Variants in ZNF407 observed in about 807,000 individuals in gnomAD.
ZNF407 encodes the protein zinc finger protein 407.
Under a neutral mutation model 131.2 loss-of-function variants are expected in ZNF407, and 17 were observed. The ratio of observed to expected loss-of-function variants is 0.13; its 90% confidence interval spans 0.09 to 0.19. The LOEUF (loss-of-function observed/expected upper bound fraction) is 0.19, where lower values mean the gene tolerates loss of function less well. Among genes scored for constraint, ZNF407 ranks in the 10% least tolerant of loss-of-function variants. The pLI is 1.00. For synonymous variants in ZNF407, 1,156 were observed against 1,062.0 expected, an observed-to-expected ratio of 1.09 and a Z score of -1.72; for missense variants, 2,681 against 2,830.6, an observed-to-expected ratio of 0.95 and a Z score of 1.20.
chr18:74,651,589 T>C (rs1373861290), intron 3 of ZNF407, among the ~76,000 whole-genome samples: 1 of 152,146 alleles, frequency 6.6e-6, no homozygotes, highest in African/African-American at 2.4e-5. Context: ...TCAGAAGTAA[T>C]TTAACTTAAT....
At chr18:74,738,670 C>T (rs570700299) in intron 3 of ZNF407, among the ~76,000 whole-genome samples, 12 of 151,980 alleles carry the variant, frequency 7.9e-5, no homozygotes, top group East Asian at 7.8e-4. Flanking sequence ...ACCTGGGAGG[C>T]GGAGGTTGCA....
chr18:74,841,340 T>A (rs1488781859), intron 4 of ZNF407, among the ~76,000 whole-genome samples: 2 of 152,178 alleles, frequency 1.3e-5, no homozygotes, highest in Non-Finnish European at 2.9e-5. Flanking sequence ...GGGGGGCTGC[T>A]AACTGTTTAC....
Position 74,920,677 on chromosome 18 carries a change from G to A in ZNF407, c.5413G>A (p.Ala1805Thr), listed in dbSNP as rs1396734301. Residue 1805 changes from alanine (A) to threonine (T), a missense_variant, in exon 8 of 9, where the codon GCT (alanine) becomes ACT (threonine). By Grantham distance (58) the Ala-to-Thr change is moderately conservative. Coordinates refer to ENST00000299687, the MANE Select transcript of ZNF407 (RefSeq NM_017757.3). ...TCCTGACATCGAAAACCCGGACCTC[G>A]CTTACCTGCATGCTGGTAAGGGACA... ...QHPDIENPDL[A>T]YLHAGIVSKS... 4 of 1,605,924 alleles carry A rather than the reference G, an allele frequency of 2.5e-6. No individual in the cohort carries two copies. Among genetic ancestry groups the A allele is most frequent in the Non-Finnish European group, 3.4e-6 (4 of 1,173,474 alleles).
chr18:75,052,573 C>T (rs1439527193), intron 8 of ZNF407, among the ~76,000 whole-genome samples: 1 of 152,220 alleles, frequency 6.6e-6, no homozygotes. Flanking sequence ...CACCCGAAAG[C>T]ATTCCAAGTC....
chr18:74,612,532 G>A (rs191514319), intron 1 of ZNF407, among the ~76,000 whole-genome samples: 4 of 152,304 alleles, frequency 2.6e-5, no homozygotes, highest in African/African-American at 9.6e-5. Context: ...TTGGAGGAAT[G>A]TGATAGAACT....
intron 3 of ZNF407, among the ~76,000 whole-genome samples, chr18:74,664,311 C>G (rs1472142312): frequency 6.6e-6 from 1 of 152,174 alleles, no homozygotes; most frequent in South Asian, 2.1e-4. Flanking sequence ...GCCAGCCTGG[C>G]CAACATGGTG....
intron 4 of ZNF407, among the ~76,000 whole-genome samples, chr18:74,867,030 T>C (rs1971022424): frequency 7.1e-6 from 1 of 140,104 alleles, no homozygotes; most frequent in Non-Finnish European, 1.5e-5. Context: ...TAATCCACCA[T>C]AGTTTGAATC....
intron 7 of ZNF407, among the ~76,000 whole-genome samples, chr18:74,895,173 G>C (rs1971437044): frequency 6.7e-6 from 1 of 149,042 alleles, no homozygotes; most frequent in Non-Finnish European, 1.5e-5. Context: ...CTTAACCAGT[G>C]TTAATGACTT....
chr18:74,745,325 G>A (rs1167511989), intron 3 of ZNF407, among the ~76,000 whole-genome samples: 1 of 151,772 alleles, frequency 6.6e-6, no homozygotes, highest in African/African-American at 2.4e-5. Flanking sequence ...TTAGATGGAA[G>A]TTGTCTAACT....
chr18:75,005,695 C>T (rs972218460), intron 8 of ZNF407, among the ~76,000 whole-genome samples: 5 of 96,842 alleles, frequency 5.2e-5, no homozygotes, highest in South Asian at 4.5e-4. Context: ...ATGTCATCCC[C>T]GCCACCCCCC....
At chr18:74,710,774 T>A (rs1433235890) in intron 3 of ZNF407, among the ~76,000 whole-genome samples, 2 of 152,244 alleles carry the variant, frequency 1.3e-5, no homozygotes, top group Non-Finnish European at 2.9e-5. Flanking sequence ...ATACATGTTT[T>A]CAGATCTTCA....
chr18:74,955,425 A>G (rs991395845), intron 8 of ZNF407, among the ~76,000 whole-genome samples: 3 of 152,192 alleles, frequency 2.0e-5, no homozygotes, highest in Non-Finnish European at 4.4e-5. Flanking sequence ...CAGAATCAGC[A>G]TTTAAGGATG....
At chr18:74,792,053 G>A (rs906564293) in intron 4 of ZNF407, among the ~76,000 whole-genome samples, 8 of 152,098 alleles carry the variant, frequency 5.3e-5, no homozygotes, top group South Asian at 2.1e-4. Flanking sequence ...AATGAATGTC[G>A]CCTGTGACGC....
intron 3 of ZNF407, among the ~76,000 whole-genome samples, chr18:74,656,730 G>A (rs769519786): frequency 1.1e-4 from 17 of 152,160 alleles, no homozygotes; most frequent in Non-Finnish European, 2.4e-4. Flanking sequence ...AAGGGAAGCA[G>A]AGAATTAGGA....
rs1302316134 is a variant in ZNF407, at chr18:74,635,915, A to G, written c.4687+209A>G. 6.6e-6 allele frequency among the ~76,000 whole-genome samples: 1 copy of G among 152,188 alleles called. No individual in the cohort carries two copies. Among genetic ancestry groups the G allele is most frequent in the Non-Finnish European group, 1.5e-5 (1 of 68,036 alleles). Reference sequence around the variant, plus strand: ...GCCCTAGTGATTTCAAAGGCAGGTTAGCTGACAAGTTTCTTTTAATTTTGT... The same window carrying G: ...GCCCTAGTGATTTCAAAGGCAGGTTGGCTGACAAGTTTCTTTTAATTTTGT... On this transcript the variant is annotated intron_variant, in intron 2 of 8. Transcript: ENST00000299687. The surrounding 1 kb of genome is among the most constrained non-coding windows in gnomAD (Gnocchi z 4.7).
chr18:74,625,372 A>T (rs1272838991), intron 1 of ZNF407, among the ~76,000 whole-genome samples: 1 of 151,706 alleles, frequency 6.6e-6, no homozygotes, highest in Non-Finnish European at 1.5e-5. Context: ...GTATGTGCGT[A>T]CGTATGTATG....
intron 8 of ZNF407, among the ~76,000 whole-genome samples, chr18:74,997,908 T>G (rs982849684): frequency 6.6e-6 from 1 of 152,242 alleles, no homozygotes; most frequent in Non-Finnish European, 1.5e-5. Flanking sequence ...ATTGATCACA[T>G]GGCTCTGTTG....
intron 3 of ZNF407, among the ~76,000 whole-genome samples, chr18:74,653,894 G>A (rs17818652): frequency 0.015 from 2,241 of 151,802 alleles, 22 homozygotes; most frequent in Non-Finnish European, 0.02. Context: ...TGGCTTATGT[G>A]TTATCATGAA....
At chr18:74,603,251 GGAA>G (rs1232872976) in intron 1 of ZNF407, among the ~76,000 whole-genome samples, 1 of 152,120 alleles carries the variant, frequency 6.6e-6, no homozygotes, top group Non-Finnish European at 1.5e-5. Context: ...GCTTTAATTT[GGAA>G]GAAGGTTTAG....
Sources: gnomAD v4.1 joint callset for allele counts (sites outside exome capture counted in the v4.1 genomes callset) on GRCh38, gnomAD v4.1.1 for gene constraint, Gnocchi (gnomAD v3.1) non-coding constraint, MANE v1.5 for transcripts, NCBI Gene and HGNC (gene_info 2026-07-23, HGNC 2026-07-21) for gene names.